Variants in CDH18 observed in about 807,000 individuals in gnomAD.
The protein encoded by CDH18 is cadherin 18.
Under a neutral mutation model 67.9 loss-of-function variants are expected in CDH18, and 31 were observed. The observed-to-expected ratio is 0.46, with a 90% CI of 0.34 to 0.62. CDH18 has a LOEUF of 0.62. CDH18 is among the 20% of genes least tolerant of loss of function. The probability of loss-of-function intolerance (pLI) is 0.01; values close to 1 mark genes in which losing one functional copy is unlikely to be tolerated. For missense variants in CDH18, 890 were observed against 975.5 expected (o/e 0.91, Z 1.17); for synonymous variants, 362 against 347.2 (o/e 1.04, Z -0.48).
chr5:19,520,636 G>A (rs574730390), intron 10 of CDH18, 21 bp downstream of exon 10: 3 of 1,597,412 alleles, frequency 1.9e-6, no homozygotes, highest in African/African-American at 1.4e-5. Context: ...CAAATGAGGA[G>A]GAAGGAAACA....
At chr5:20,282,402 T>C (rs1408076683) in intron 1 of CDH18, among the ~76,000 whole-genome samples, 2 of 152,152 alleles carry the variant, frequency 1.3e-5, no homozygotes, top group Admixed American at 6.5e-5. Context: ...ATACCTAATT[T>C]CTTGAGAGTT....
intron 10 of CDH18, among the ~76,000 whole-genome samples, chr5:19,509,254 CAT>C (rs1285735719): frequency 1.3e-5 from 2 of 151,882 alleles, no homozygotes; most frequent in Admixed American, 1.3e-4. Flanking sequence ...GACAAAGGAA[CAT>C]AAAGATGAAA....
At chr5:20,198,496 G>T (rs1319328372) in intron 2 of CDH18, among the ~76,000 whole-genome samples, 5 of 152,138 alleles carry the variant, frequency 3.3e-5, no homozygotes, top group Non-Finnish European at 7.3e-5. Flanking sequence ...ATGATTTAGG[G>T]TATCCGGCAG....
At chr5:20,045,357 C>T (rs1391553575) in intron 2 of CDH18, among the ~76,000 whole-genome samples, 7 of 151,990 alleles carry the variant, frequency 4.6e-5, no homozygotes, top group Admixed American at 4.6e-4. Context: ...GTCTTTGTGC[C>T]ACTTACAGGT....
At chr5:20,173,533 C>T (rs1262800366) in intron 2 of CDH18, among the ~76,000 whole-genome samples, 2 of 151,918 alleles carry the variant, frequency 1.3e-5, no homozygotes, top group East Asian at 3.9e-4. Flanking sequence ...TAGGTAAGTA[C>T]CTCTGTGTTT....
chr5:20,266,707 C>T (rs1248955406), intron 1 of CDH18, among the ~76,000 whole-genome samples: 2 of 149,082 alleles, frequency 1.3e-5, no homozygotes, highest in East Asian at 2.0e-4. Flanking sequence ...GGATTACAGG[C>T]GTGAGTCACT....
At chr5:20,229,846 C>A (rs552655226) in intron 2 of CDH18, among the ~76,000 whole-genome samples, 3 of 151,944 alleles carry the variant, frequency 2.0e-5, no homozygotes, top group Non-Finnish European at 4.4e-5. Context: ...GTCCCAGATT[C>A]TGTTTTGAGA....
chr5:20,281,959 T>C (rs1320275035), intron 1 of CDH18, among the ~76,000 whole-genome samples: 1 of 152,180 alleles, frequency 6.6e-6, no homozygotes, highest in Non-Finnish European at 1.5e-5. Flanking sequence ...CTAGGTCTTT[T>C]CTTCTCTTTG....
chr5:20,258,842 A>C lies in CDH18; in HGVS notation c.-579-3337T>G, dbSNP rs527493713. ...TCCAAAGAACTCAGAGAAAGCTGGT[A>C]TGAGTAATCAAAAAGTGAACTCCAG... On this transcript the variant is annotated intron_variant, in intron 1 of 14. Coordinates refer to the CDH18 transcript ENST00000507958. 1.7e-3 allele frequency among the ~76,000 whole-genome samples: 266 copies of C among 152,220 alleles called. 1 individual carries two copies. The highest frequency in any genetic ancestry group is 3.2e-3 in the Non-Finnish European group (220 of 68,004).
rs114052313 is a variant in CDH18 at position 19,577,349 on chromosome 5, A to T, written c.1000-5517T>A. ...AATTATTTTCTGTCAATTAAATATT[A>T]AATAAAACTTAGGAAAAAAGAAACC... On this transcript the variant is annotated intron_variant, in intron 7 of 12. Coordinates refer to ENST00000382275, the MANE Select transcript of CDH18 (RefSeq NM_004934.5). Among the ~76,000 whole-genome samples, 1,467 of 152,314 alleles carry T rather than the reference A, an allele frequency of 9.6e-3. 25 individuals carry two copies. Among genetic ancestry groups the T allele is most frequent in the African/African-American group, 0.033 (1,386 of 41,554 alleles).
At chr5:19,904,233 C>G (rs1004179840) in intron 2 of CDH18, among the ~76,000 whole-genome samples, 11 of 150,352 alleles carry the variant, frequency 7.3e-5, no homozygotes, top group African/African-American at 2.7e-4. Context: ...AAGATCGCAC[C>G]ATTGAACTCC....
intron 1 of CDH18, among the ~76,000 whole-genome samples, chr5:20,436,768 A>C (rs1300306635): frequency 6.6e-6 from 1 of 151,228 alleles, no homozygotes; most frequent in South Asian, 2.1e-4. Context: ...ACCATATTTT[A>C]TTTTGGTGGT....
chr5:19,960,731 A>G (rs527959178), intron 2 of CDH18, among the ~76,000 whole-genome samples: 15 of 127,706 alleles, frequency 1.2e-4, no homozygotes, highest in Middle Eastern at 3.8e-3. Context: ...GTATATACGT[A>G]TATACGTATA....
rs202130030 is a variant in CDH18, at chr5:20,419,462, G to GTTTTTTTTTTTTTTTTTTTT, written c.-580+155980_-580+155999dup. Among the ~76,000 whole-genome samples, 3 of 75,660 alleles carry GTTTTTTTTTTTTTTTTTTTT rather than the reference G, an allele frequency of 4.0e-5. 1 individual carries two copies. Among genetic ancestry groups the GTTTTTTTTTTTTTTTTTTTT allele is most frequent in the Admixed American group, 1.3e-4 (1 of 7,892 alleles). 49.6% of individuals were successfully genotyped at this position (75,660 alleles called of 152,430 possible). ...CCAACCACCCAGGGTATGGGACTCT[G>GTTTTTTTTTTTTTTTTTTTT]TTTTTTTTTTTTTTTTTTTTTTTTT... On this transcript the variant is annotated intron_variant, in intron 1 of 14. Transcript: ENST00000507958.
rs191697109 is a variant in CDH18, at chr5:20,162,436, A to T, written c.-518+93008T>A. The stretch of plus-strand genomic sequence containing the variant: ...TATAATATATATTAGTATATATTAT[A>T]TATAATGTATATATATTATATATAC... On this transcript the variant is annotated intron_variant, in intron 2 of 14. Coordinates refer to the CDH18 transcript ENST00000507958. Among the ~76,000 whole-genome samples the T allele has an allele frequency of 5.7e-3, 845 of 147,730 alleles. 8 individuals carry two copies. The highest frequency in any genetic ancestry group is 0.02 in the African/African-American group (808 of 40,766).
At chr5:20,279,737 T>C (rs954097046) in intron 1 of CDH18, among the ~76,000 whole-genome samples, 16 of 71,886 alleles carry the variant, frequency 2.2e-4, no homozygotes, top group Admixed American at 3.1e-4. Context: ...AAGCAAAAAC[T>C]GTAAGAGCGA....
chr5:20,199,064 C>A (rs1448324198), intron 2 of CDH18, among the ~76,000 whole-genome samples: 7 of 152,152 alleles, frequency 4.6e-5, no homozygotes, highest in Non-Finnish European at 1.0e-4. Flanking sequence ...TTTGCTAGGG[C>A]AATGCAGCAG....
At chr5:20,467,885 C>G (rs187814506) in intron 1 of CDH18, among the ~76,000 whole-genome samples, 2 of 151,894 alleles carry the variant, frequency 1.3e-5, no homozygotes, top group East Asian at 1.9e-4. Flanking sequence ...ATTTTCCGTA[C>G]TTTTGGCTAA....
intron 10 of CDH18, among the ~76,000 whole-genome samples, chr5:19,517,824 T>C (rs1442580964): frequency 1.3e-5 from 2 of 152,010 alleles, no homozygotes; most frequent in African/African-American, 2.4e-5. Flanking sequence ...ATGTCTCTCA[T>C]ACTCTTATTT....
Sources: gnomAD v4.1 joint callset for allele counts (sites outside exome capture counted in the v4.1 genomes callset) on GRCh38, gnomAD v4.1.1 for gene constraint, MANE v1.5 for transcripts, NCBI Gene and HGNC (gene_info 2026-07-23, HGNC 2026-07-21) for gene names.